Variants in LGALS16 observed in about 807,000 individuals in gnomAD.
LGALS16 encodes galectin-16.
Under a neutral mutation model 13.2 loss-of-function variants are expected in LGALS16, and 15 were observed. That is an observed-to-expected ratio of 1.13 (90% confidence interval 0.76 to 1.75). The LOEUF is 1.75. Among genes scored for constraint, LGALS16 ranks in the 40% most tolerant of loss-of-function variants. The pLI is 0.00. For synonymous variants in LGALS16, 66 were observed against 65.4 expected (o/e 1.01, Z -0.05); for missense variants, 198 against 178.4 (o/e 1.11, Z -0.63).
chr19:39,660,618 A>C lies in LGALS16; in HGVS notation c.*98A>C. 1 of 1,043,038 alleles carries C rather than the reference A, an allele frequency of 9.6e-7. No homozygotes were observed. The highest frequency in any genetic ancestry group is 1.4e-6 in the Non-Finnish European group (1 of 717,926). The allele number at this position is 1,043,038 out of a possible 1,614,324, so 64.6% of individuals were successfully genotyped here. A position where few individuals can be genotyped will look rare whatever the true frequency, so the allele number is the denominator to read the frequency against. On this transcript the variant is annotated 3_prime_UTR_variant, in exon 4 of 4. Coordinates refer to ENST00000392051, the MANE Select transcript of LGALS16 (RefSeq NM_001190441.3). The stretch of plus-strand genomic sequence containing the variant: ...ATCCCTCCTCAACCCCTTCCCCTAC[A>C]CTTGGTCATTAAAACAGCACCAAAC...
intron 1 of LGALS16, among the ~76,000 whole-genome samples, chr19:39,656,732 C>G (rs551664833): frequency 6.6e-6 from 1 of 151,992 alleles, no homozygotes; most frequent in Non-Finnish European, 1.5e-5. Flanking sequence ...GGGGTCTGCA[C>G]AGAGTGACCA....
At chr19:39,656,764 C>G (rs1471426064) in intron 1 of LGALS16, among the ~76,000 whole-genome samples, 1 of 152,032 alleles carries the variant, frequency 6.6e-6, no homozygotes, top group African/African-American at 2.4e-5. Flanking sequence ...CTCCCAGGCT[C>G]AGCTTCCCTG....
chr19:39,659,261 A>G (rs1374748524), intron 3 of LGALS16, among the ~76,000 whole-genome samples: 1 of 151,972 alleles, frequency 6.6e-6, no homozygotes, highest in Non-Finnish European at 1.5e-5. Flanking sequence ...TTTTATTTTT[A>G]GTAGAGACGG....
intron 2 of LGALS16, 46 bp downstream of exon 2, chr19:39,658,005 A>G: frequency 8.1e-6 from 13 of 1,604,488 alleles, no homozygotes; most frequent in Non-Finnish European, 1.0e-5. Flanking sequence ...AGAAAGGAGA[A>G]TATTTGCTAA....
At chr19:39,656,018 C>T (rs747533841) in intron 1 of LGALS16, 42 bp downstream of exon 1, 32 of 1,603,564 alleles carry the variant, frequency 2.0e-5, no homozygotes, top group African/African-American at 2.7e-5. Context: ...TCAAGTCACA[C>T]AAAACCAAGA....
rs1013846630 is a variant in LGALS16, at chr19:39,660,600, C to T, written c.*80C>T. The T allele has an allele frequency of 2.5e-6, 3 of 1,220,892 alleles. No individual in the cohort carries two copies. The highest frequency in any genetic ancestry group is 3.5e-6 in the Non-Finnish European group (3 of 866,730). 75.6% of individuals were successfully genotyped at this position (1,220,892 alleles called of 1,614,324 possible). On this transcript the variant is annotated 3_prime_UTR_variant, in exon 4 of 4. Coordinates refer to ENST00000392051, the MANE Select transcript of LGALS16 (RefSeq NM_001190441.3). ...GAGCCTGCTAACAGAATAATCCCTC[C>T]TCAACCCCTTCCCCTACACTTGGTC...
intron 3 of LGALS16, 144 bp downstream of exon 3, chr19:39,658,814 C>A (rs1166187479): frequency 1.6e-6 from 1 of 624,598 alleles, no homozygotes. Flanking sequence ...AGAGCACCCT[C>A]TGCTTGCACT....
intron 1 of LGALS16, among the ~76,000 whole-genome samples, chr19:39,657,565 C>G (rs1391906062): frequency 6.6e-6 from 1 of 152,054 alleles, no homozygotes. Flanking sequence ...TGGAGAACTT[C>G]CTACACAGTA....
In LGALS16 at chr19:39,660,469, G is replaced by A. The variant is rs1369238373; in HGVS notation, c.378G>A (p.Val126=). ...CATCATATGTGAAGATGATTCAAGT[G>A]TGGAGAGATGTCTCCCTGGACTCAG... is the stretch of plus-strand genomic sequence containing the variant. The part of the protein sequence containing the change: ...IPPSYVKMIQ[V]WRDVSLDSVL... Residue 126 remains valine (V), a synonymous_variant, in exon 4 of 4, where the codon GTG becomes GTA. Transcript: ENST00000392051. 5.2e-6 allele frequency: 8 copies of A among 1,542,508 alleles called. No individual in the cohort carries two copies. The Admixed American group carries it at 5.9e-5, about 11-fold the overall frequency.
At position 39,656,468 on chromosome 19, in the gene LGALS16, C is replaced by T. The variant is rs958550318; in HGVS notation, c.15+492C>T. ...ATGTGACTGAGTATTGAAGGGAAAACACGCATGTGGCCTTCTGTGCATGTG... is the reference window on the plus strand; with the variant it reads ...ATGTGACTGAGTATTGAAGGGAAAATACGCATGTGGCCTTCTGTGCATGTG... On this transcript the variant is annotated intron_variant, in intron 1 of 3. Coordinates refer to ENST00000392051, the MANE Select transcript of LGALS16 (RefSeq NM_001190441.3). 2.6e-5 allele frequency among the ~76,000 whole-genome samples: 4 copies of T among 152,088 alleles called. No individual in the cohort carries two copies. In the South Asian group the frequency reaches 8.3e-4, roughly 32 times the overall value.
rs1860134 is a variant in LGALS16 at position 39,658,657 on chromosome 19, A to T, written c.290A>T (p.His97Leu). 6.3e-7 allele frequency: 1 copy of T among 1,578,786 alleles called. No homozygotes were observed. The highest frequency in any genetic ancestry group is 2.3e-5 in the East Asian group (1 of 43,392). ...KPFDLRIYVC[H>L]NEYEVKVNGE... ...TTTGACTTGCGCATCTACGTGTGTC[A>T]CAATGAGTATGAGGTGAGCACCCCA... The change falls in exon 3 of 4, where the codon CAC (histidine) becomes CTC (leucine). Residue 97 changes from histidine (H) to leucine (L), a missense_variant. His to Leu is a moderately conservative substitution (Grantham distance 99). Coordinates refer to ENST00000392051, the MANE Select transcript of LGALS16 (RefSeq NM_001190441.3).
At chr19:39,660,106 A>G (rs1973242576) in intron 3 of LGALS16, among the ~76,000 whole-genome samples, 1 of 152,208 alleles carries the variant, frequency 6.6e-6, no homozygotes, top group Non-Finnish European at 1.5e-5. Flanking sequence ...CCTGAGACAC[A>G]GTTGCTGGTA....
In LGALS16 at chr19:39,660,644, C is replaced by T. The variant is rs868677971; in HGVS notation, c.*124C>T. ...CTTGGTCATTAAAACAGCACCAAAC[C>T]GTACATGATTTGGTTCTTGCTTTAA... On this transcript the variant is annotated 3_prime_UTR_variant, in exon 4 of 4. Transcript: ENST00000392051. 9.8e-6 allele frequency: 8 copies of T among 813,482 alleles called. No homozygotes were observed. The highest frequency in any genetic ancestry group is 2.8e-4 in the Middle Eastern group (1 of 3,570). 50.4% of individuals were successfully genotyped at this position (813,482 alleles called of 1,614,324 possible). A position where few individuals can be genotyped will look rare whatever the true frequency, so the allele number is the denominator to read the frequency against.
chr19:39,658,082 G>T, intron 2 of LGALS16, 123 bp downstream of exon 2: 1 of 1,180,872 alleles, frequency 8.5e-7, no homozygotes, highest in Non-Finnish European at 1.2e-6. Flanking sequence ...CCATGCAGGT[G>T]CAGGTCCTGG....
intron 3 of LGALS16, among the ~76,000 whole-genome samples, chr19:39,659,932 TC>T (rs1289534143): frequency 5.3e-5 from 8 of 152,238 alleles, no homozygotes; most frequent in African/African-American, 1.9e-4. Context: ...TGGGTTTCAT[TC>T]TTTGCCATTA....
intron 1 of LGALS16, among the ~76,000 whole-genome samples, chr19:39,656,945 C>G (rs73930773): frequency 6.6e-6 from 1 of 151,846 alleles, no homozygotes; most frequent in Admixed American, 6.5e-5. Context: ...AGTCTCAGTT[C>G]AGACAGAGCT....
In LGALS16 at chr19:39,658,623, G is replaced by A. The variant is rs187604453; in HGVS notation, c.256G>A (p.Gly86Ser). The change falls in exon 3 of 4, where the codon GGC becomes AGC. Residue 86 changes from glycine (G) to serine (S), a missense_variant. Transcript: ENST00000392051. ...TTTACACTATGTGCCCTTTGAGGATGGCAAACCATTTGACTTGCGCATCTA... is the reference window on the plus strand; with the variant it reads ...TTTACACTATGTGCCCTTTGAGGATAGCAAACCATTTGACTTGCGCATCTA... ...ENLHYVPFED[G>S]KPFDLRIYVC... 1.2e-3 allele frequency: 1,910 copies of A among 1,601,826 alleles called. No individual in the cohort carries two copies. The highest frequency in any genetic ancestry group is 7.6e-3 in the Middle Eastern group (46 of 6,058).
Position 39,660,616 on chromosome 19 carries a change from A to C in LGALS16, c.*96A>C. 9.5e-7 allele frequency: 1 copy of C among 1,049,818 alleles called. No individual in the cohort carries two copies. Among genetic ancestry groups the C allele is most frequent in the Non-Finnish European group, 1.4e-6 (1 of 723,264 alleles). 65.0% of individuals were successfully genotyped at this position (1,049,818 alleles called of 1,614,324 possible). On this transcript the variant is annotated 3_prime_UTR_variant, in exon 4 of 4. Coordinates refer to ENST00000392051, the MANE Select transcript of LGALS16 (RefSeq NM_001190441.3). The stretch of plus-strand genomic sequence containing the variant: ...TAATCCCTCCTCAACCCCTTCCCCT[A>C]CACTTGGTCATTAAAACAGCACCAA...
Position 39,660,559 on chromosome 19 carries a change from G to T in LGALS16, c.*39G>T. ...TGTTGAGGAAACCCTCTTTCTACCT[G>T]ACCATGGGATTCCTAGAGCCTGCTA... is the stretch of plus-strand genomic sequence containing the variant. On this transcript the variant is annotated 3_prime_UTR_variant, in exon 4 of 4. Transcript: ENST00000392051. The T allele has an allele frequency of 6.5e-7, 1 of 1,537,366 alleles. No homozygotes were observed.
Sources: gnomAD v4.1 joint callset for allele counts (sites outside exome capture counted in the v4.1 genomes callset) on GRCh38, gnomAD v4.1.1 for gene constraint, MANE v1.5 for transcripts, NCBI Gene and HGNC (gene_info 2026-07-23, HGNC 2026-07-21) for gene names.